The following SPAG16 variants were observed in gnomAD, a reference collection of about 807,000 sequenced individuals.
SPAG16 encodes the protein sperm-associated antigen 16 protein.
A neutral mutation model predicts 80.4 loss-of-function variants in SPAG16; 86 were observed. The observed-to-expected ratio is 1.07, with a 90% CI of 0.90 to 1.28. The LOEUF is 1.28. Ranked by LOEUF, SPAG16 falls within the 50% of genes most tolerant of loss-of-function variation. The pLI is 0.00. For synonymous variants in SPAG16, 294 were observed against 265.9 expected, an observed-to-expected ratio of 1.11 and a Z score of -1.03; for missense variants, 870 against 765.3, an observed-to-expected ratio of 1.14 and a Z score of -1.61.
At chr2:214,117,352 A>G (rs1205937726) in intron 14 of SPAG16, among the ~76,000 whole-genome samples, 1 of 152,158 alleles carries the variant, frequency 6.6e-6, no homozygotes, top group South Asian at 2.1e-4. Flanking sequence ...AAGTTACAGG[A>G]TCCTACAACA....
intron 5 of SPAG16, among the ~76,000 whole-genome samples, chr2:213,335,275 A>G (rs1559422209): frequency 6.6e-6 from 1 of 152,182 alleles, no homozygotes; most frequent in Non-Finnish European, 1.5e-5. Flanking sequence ...TTACATCCCT[A>G]TCTACAATCT....
At chr2:214,166,218 G>C (rs2056649250) in intron 15 of SPAG16, among the ~76,000 whole-genome samples, 1 of 152,136 alleles carries the variant, frequency 6.6e-6, no homozygotes, top group Non-Finnish European at 1.5e-5. Flanking sequence ...GAGGTATATA[G>C]ACAGGATGCT....
At chr2:213,599,848 C>G (rs2061002168) in intron 10 of SPAG16, among the ~76,000 whole-genome samples, 1 of 152,100 alleles carries the variant, frequency 6.6e-6, no homozygotes, top group African/African-American at 2.4e-5. Context: ...TTTACAGGTG[C>G]CTGCCACCAT....
intron 10 of SPAG16, among the ~76,000 whole-genome samples, chr2:213,586,383 G>A (rs1209391120): frequency 6.6e-6 from 1 of 152,064 alleles, no homozygotes; most frequent in African/African-American, 2.4e-5. Context: ...ACGGTAGAAG[G>A]GAACAAGACA....
At chr2:214,080,883 C>A (rs971581672) in intron 13 of SPAG16, among the ~76,000 whole-genome samples, 2 of 151,654 alleles carry the variant, frequency 1.3e-5, no homozygotes, top group Admixed American at 6.6e-5. Context: ...TATAAAAATA[C>A]AGATATACAG....
intron 11 of SPAG16, among the ~76,000 whole-genome samples, chr2:213,927,017 C>G (rs1182016042): frequency 6.6e-6 from 1 of 152,206 alleles, no homozygotes; most frequent in Non-Finnish European, 1.5e-5. Flanking sequence ...GCCTAGAAGT[C>G]TAAGACCAGA....
At chr2:213,777,224 C>T (rs997018472) in intron 10 of SPAG16, among the ~76,000 whole-genome samples, 3 of 147,524 alleles carry the variant, frequency 2.0e-5, no homozygotes, top group East Asian at 2.0e-4. Context: ...CAGCAAGTGT[C>T]CAGTTTGTAG....
At chr2:214,215,194 CT>C (rs760669881) in intron 15 of SPAG16, among the ~76,000 whole-genome samples, 1 of 152,056 alleles carries the variant, frequency 6.6e-6, no homozygotes, top group Non-Finnish European at 1.5e-5. Context: ...GACACAGACC[CT>C]CCAAATTCCC....
At chr2:213,609,068 A>C (rs930500334) in intron 10 of SPAG16, among the ~76,000 whole-genome samples, 1 of 152,262 alleles carries the variant, frequency 6.6e-6, no homozygotes, top group Non-Finnish European at 1.5e-5. Context: ...TATAAAAATT[A>C]CATAAGTCAT....
At chr2:213,952,604 A>G (rs1238474951) in intron 12 of SPAG16, among the ~76,000 whole-genome samples, 2 of 152,088 alleles carry the variant, frequency 1.3e-5, no homozygotes, top group African/African-American at 4.8e-5. Flanking sequence ...CAAATTTGAA[A>G]GAGTCAGAAC....
At chr2:214,312,041 G>A (rs1438224897) in intron 15 of SPAG16, among the ~76,000 whole-genome samples, 1 of 152,028 alleles carries the variant, frequency 6.6e-6, no homozygotes, top group East Asian at 1.9e-4. Context: ...AAATTTATAA[G>A]CATAAAAGTA....
intron 12 of SPAG16, among the ~76,000 whole-genome samples, chr2:213,936,265 AG>A (rs2078984909): frequency 6.6e-6 from 1 of 152,192 alleles, no homozygotes. Flanking sequence ...AGAGAATGGT[AG>A]GGGTAAGGTA....
intron 13 of SPAG16, among the ~76,000 whole-genome samples, chr2:214,088,013 A>G (rs1482258141): frequency 6.6e-6 from 1 of 152,126 alleles, no homozygotes; most frequent in East Asian, 1.9e-4. Context: ...TAAACAGAAA[A>G]GTATGAAAAA....
chr2:214,234,935 A>C (rs1397158468), intron 15 of SPAG16, among the ~76,000 whole-genome samples: 1 of 152,142 alleles, frequency 6.6e-6, no homozygotes, highest in East Asian at 1.9e-4. Flanking sequence ...GTCTCTAAAC[A>C]TGATAAGGGA....
intron 10 of SPAG16, among the ~76,000 whole-genome samples, chr2:213,657,256 CATAA>C (rs1266647364): frequency 3.9e-5 from 6 of 152,070 alleles, no homozygotes; most frequent in African/African-American, 9.7e-5. Flanking sequence ...TTTAAACATA[CATAA>C]ATAAGTATGT....
chr2:213,851,226 T>C (rs948973780), intron 10 of SPAG16, among the ~76,000 whole-genome samples: 1 of 152,268 alleles, frequency 6.6e-6, no homozygotes, highest in African/African-American at 2.4e-5. Context: ...TATAAACTAA[T>C]AATATGGGCC....
chr2:213,581,171 T>C (rs1336964615), intron 10 of SPAG16, among the ~76,000 whole-genome samples: 1 of 152,084 alleles, frequency 6.6e-6, no homozygotes, highest in East Asian at 1.9e-4. Flanking sequence ...ATTAATAATA[T>C]CTGGCATCTC....
chr2:213,958,556 C>T (rs2044262314), intron 12 of SPAG16, among the ~76,000 whole-genome samples: 2 of 152,012 alleles, frequency 1.3e-5, no homozygotes, highest in South Asian at 2.1e-4. Context: ...AAAAACTGCC[C>T]CTTTACAGGT....
chr2:213,961,836 T>C (rs1336289109), intron 12 of SPAG16, among the ~76,000 whole-genome samples: 2 of 152,140 alleles, frequency 1.3e-5, no homozygotes, highest in East Asian at 3.9e-4. Flanking sequence ...TTTTGATCTA[T>C]GGTTTTTTTT....
Sources: gnomAD v4.1 joint callset for allele counts (sites outside exome capture counted in the v4.1 genomes callset) on GRCh38, gnomAD v4.1.1 for gene constraint, MANE v1.5 for transcripts, NCBI Gene and HGNC (gene_info 2026-07-23, HGNC 2026-07-21) for gene names.